Variants in VEPH1 observed in about 807,000 individuals in gnomAD.
VEPH1 encodes ventricular zone expressed PH domain containing 1, also known as ventricular zone-expressed PH domain-containing protein homolog 1.
In VEPH1, 80 loss-of-function variants were observed where a neutral mutation model predicts 85.2. The ratio of observed to expected loss-of-function variants is 0.94; its 90% CI spans 0.78 to 1.13. The LOEUF (loss-of-function observed/expected upper bound fraction) is 1.13, where lower values mean the gene tolerates loss of function less well. VEPH1 is among the 50% of genes most tolerant of loss of function. The pLI is 0.00. For missense variants in VEPH1, 955 were observed against 980.5 expected (o/e 0.97, Z 0.35); for synonymous variants, 297 against 348.0 (o/e 0.85, Z 1.63).
rs557607228 is a variant in VEPH1, at chr3:157,336,953, C to A, written c.1736-19752G>T. ...GACTTTTATATGGGAAGTTTGCCAG[C>A]CTCTGCTCTAGAACGTAATTTGATT... On this transcript the variant is annotated intron_variant, in intron 9 of 13. Transcript: ENST00000362010. Among the ~76,000 whole-genome samples the A allele has an allele frequency of 5.3e-5, 8 of 152,234 alleles. No individual in the cohort carries two copies. The South Asian group carries it at 6.2e-4, about 12-fold the overall frequency.
chr3:157,423,329 C>A (rs1258248188), intron 5 of VEPH1, among the ~76,000 whole-genome samples: 1 of 152,216 alleles, frequency 6.6e-6, no homozygotes. Context: ...TGAGCTCTAG[C>A]CTTGCTCCTC....
rs142211157 is a variant in VEPH1, at chr3:157,317,115, G to A, written c.1822C>T (p.Leu608Phe). 13 of 1,613,556 alleles carry A rather than the reference G, an allele frequency of 8.1e-6. No individual in the cohort carries two copies. In the African/African-American group the frequency reaches 1.6e-4, roughly 20 times the overall value. Residue 608 changes from leucine to phenylalanine, a missense_variant, in exon 10 of 14, where the codon CTC (leucine) becomes TTC (phenylalanine). Coordinates refer to ENST00000362010, the MANE Select transcript of VEPH1 (RefSeq NM_001167912.2). Reference sequence around the variant, plus strand: ...CATGGCTGAGGTTCTTGGCTGATGAGAATAAAACTGGACTTACTGTATAGG... The same window carrying A: ...CATGGCTGAGGTTCTTGGCTGATGAAAATAAAACTGGACTTACTGTATAGG... ...YCLYSKSSFI[L>F]ISQEPQPWIQ...
At chr3:157,419,251 T>C (rs1019126460) in intron 5 of VEPH1, among the ~76,000 whole-genome samples, 1 of 152,098 alleles carries the variant, frequency 6.6e-6, no homozygotes, top group Non-Finnish European at 1.5e-5. Flanking sequence ...GAGGCAATAC[T>C]ATTCAGGACA....
chr3:157,310,316 C>T (rs1451929969), intron 11 of VEPH1, among the ~76,000 whole-genome samples: 1 of 152,090 alleles, frequency 6.6e-6, no homozygotes, highest in African/African-American at 2.4e-5. Flanking sequence ...TATTAGCTAA[C>T]ATTTATTTAG....
chr3:157,280,617 A>C (rs962281502), intron 12 of VEPH1, among the ~76,000 whole-genome samples: 1 of 152,234 alleles, frequency 6.6e-6, no homozygotes, highest in Admixed American at 6.5e-5. Context: ...ACATTTTAGC[A>C]TAATACTAAA....
intron 4 of VEPH1, chr3:157,459,841 C>T (rs1266948550): frequency 1.4e-5 from 22 of 1,525,296 alleles, no homozygotes; most frequent in East Asian, 4.9e-5. Context: ...CACTGAGTGA[C>T]GTGTTCCACT....
At position 157,325,846 on chromosome 3, in the gene VEPH1, T is replaced by C. The variant is rs1165808618; in HGVS notation, c.1736-8645A>G. 2.0e-5 allele frequency among the ~76,000 whole-genome samples: 3 copies of C among 152,204 alleles called. No individual in the cohort carries two copies. In the East Asian group the frequency reaches 5.8e-4, roughly 29 times the overall value. ...CTTTGGTTCCAGGTGAATTTTAAAA[T>C]AGTTTTTTCTAATTCTGTGAAGAAT... On this transcript the variant is annotated intron_variant, in intron 9 of 13. Transcript: ENST00000362010.
At chr3:157,478,684 T>C (rs547127523) in intron 2 of VEPH1, among the ~76,000 whole-genome samples, 25 of 152,270 alleles carry the variant, frequency 1.6e-4, no homozygotes, top group African/African-American at 5.3e-4. Context: ...GTCAGTGACA[T>C]TGTTGAACAT....
At chr3:157,318,680 A>C (rs1721057417) in intron 9 of VEPH1, among the ~76,000 whole-genome samples, 1 of 151,722 alleles carries the variant, frequency 6.6e-6, no homozygotes, top group African/African-American at 2.4e-5. Context: ...GAAAGAAAGA[A>C]AGAAAATTAA....
At chr3:157,369,191 A>AAAAAC (rs1553773104) in intron 7 of VEPH1, among the ~76,000 whole-genome samples, 1 of 145,088 alleles carries the variant, frequency 6.9e-6, no homozygotes. Context: ...AAAAAAAAAA[A>AAAAAC]AAAAAAAAAA....
chr3:157,390,023 A>G lies in VEPH1; in HGVS notation c.907-8647T>C, dbSNP rs886170535. Among the ~76,000 whole-genome samples the G allele has an allele frequency of 3.3e-5, 5 of 152,214 alleles. No homozygotes were observed. In the East Asian group the frequency reaches 9.6e-4, roughly 29 times the overall value. ...TGTGAGCATTGTTTTCCATCCACATATTAATTCTTCTCTCCATTACATATT... is the reference window on the plus strand; with the variant it reads ...TGTGAGCATTGTTTTCCATCCACATGTTAATTCTTCTCTCCATTACATATT... On this transcript the variant is annotated intron_variant, in intron 6 of 13. Transcript: ENST00000362010.
intron 12 of VEPH1, among the ~76,000 whole-genome samples, chr3:157,274,106 A>G (rs575777931): frequency 6.6e-6 from 1 of 152,206 alleles, no homozygotes; most frequent in South Asian, 2.1e-4. Context: ...CACAACACAA[A>G]TGGCTGTGGG....
intron 6 of VEPH1, among the ~76,000 whole-genome samples, chr3:157,399,788 G>A (rs1405532293): frequency 6.6e-6 from 1 of 152,050 alleles, no homozygotes; most frequent in Non-Finnish European, 1.5e-5. Context: ...AGAACATCAA[G>A]AGGCAAGCTG....
At chr3:157,377,937 CA>C (rs1728313552) in intron 7 of VEPH1, among the ~76,000 whole-genome samples, 1 of 152,036 alleles carries the variant, frequency 6.6e-6, no homozygotes, top group Non-Finnish European at 1.5e-5. Context: ...AAGCTTTTCA[CA>C]TATATAATCT....
At chr3:157,473,358 C>T (rs917152853) in intron 2 of VEPH1, among the ~76,000 whole-genome samples, 5 of 152,212 alleles carry the variant, frequency 3.3e-5, no homozygotes, top group East Asian at 3.9e-4. Context: ...AAGCATGAGC[C>T]ACCATGTCGT....
intron 7 of VEPH1, among the ~76,000 whole-genome samples, chr3:157,375,464 A>AG (rs1727982753): frequency 6.6e-6 from 1 of 152,212 alleles, no homozygotes; most frequent in South Asian, 2.1e-4. Context: ...GTAGTTGAAA[A>AG]GGTTCTTTAC....
At chr3:157,371,812 T>C (rs1320571612) in intron 7 of VEPH1, among the ~76,000 whole-genome samples, 2 of 152,150 alleles carry the variant, frequency 1.3e-5, no homozygotes, top group Admixed American at 1.3e-4. Flanking sequence ...GAGGTAAAGG[T>C]ACATTTTCGG....
At chr3:157,466,848 A>G (rs1282226964) in intron 3 of VEPH1, among the ~76,000 whole-genome samples, 1 of 152,226 alleles carries the variant, frequency 6.6e-6, no homozygotes, top group Non-Finnish European at 1.5e-5. Flanking sequence ...GTGTAGAAAC[A>G]TATGGCCCAA....
At chr3:157,382,996 AT>A (rs1233622595) in intron 6 of VEPH1, among the ~76,000 whole-genome samples, 14 of 151,672 alleles carry the variant, frequency 9.2e-5, no homozygotes, top group African/African-American at 3.4e-4. Context: ...ACACTCAGCT[AT>A]TTTTTATTTT....
Sources: allele counts gnomAD v4.1 joint callset (sites outside exome capture counted in the v4.1 genomes callset), GRCh38; gene constraint gnomAD v4.1.1; transcripts MANE v1.5; gene names NCBI Gene and HGNC (gene_info 2026-07-23, HGNC 2026-07-21).